Variants in CDH18 observed in about 807,000 individuals in gnomAD.
CDH18 encodes cadherin 18, also known as cadherin-18.
In CDH18, 31 loss-of-function variants were observed where a neutral mutation model predicts 67.9. That is an observed-to-expected ratio of 0.46 (90% CI 0.34 to 0.62). The LOEUF (loss-of-function observed/expected upper bound fraction) is 0.62. Ranked by LOEUF, CDH18 falls within the 20% of genes least tolerant of loss-of-function variation. CDH18 has a pLI of 0.01. For synonymous variants in CDH18, 362 were observed against 347.2 expected (o/e 1.04, Z -0.48); for missense variants, 890 against 975.5 (o/e 0.91, Z 1.17).
chr5:20,490,073 AAT>A (rs1188361048), intron 1 of CDH18, among the ~76,000 whole-genome samples: 3 of 150,436 alleles, frequency 2.0e-5, no homozygotes, highest in Non-Finnish European at 4.4e-5. Context: ...TTGCTATAAT[AAT>A]ATAATTGTTA....
chr5:20,074,722 C>T (rs572859330), intron 2 of CDH18, among the ~76,000 whole-genome samples: 1 of 94,470 alleles, frequency 1.1e-5, no homozygotes, highest in South Asian at 4.6e-4. Flanking sequence ...ACTTTTAATA[C>T]AATAGTTTGG....
intron 4 of CDH18, among the ~76,000 whole-genome samples, chr5:19,727,169 T>A (rs1766951580): frequency 6.6e-6 from 1 of 152,246 alleles, no homozygotes; most frequent in Non-Finnish European, 1.5e-5. Flanking sequence ...AATCAAGGTA[T>A]ATGTTATGGG....
chr5:20,315,515 T>A lies in CDH18; in HGVS notation c.-579-60010A>T, dbSNP rs139006207. On this transcript the variant is annotated intron_variant, in intron 1 of 14. Coordinates refer to the CDH18 transcript ENST00000507958. ...AAATCCTATAGTGTAAAAGCTCAAC[T>A]TTTAACAAGGGCCTACTGAGCTCTC... Among the ~76,000 whole-genome samples the A allele has an allele frequency of 1.3e-3, 198 of 152,260 alleles. 1 individual carries two copies. Among genetic ancestry groups the A allele is most frequent in the African/African-American group, 4.5e-3 (186 of 41,578 alleles).
intron 1 of CDH18, among the ~76,000 whole-genome samples, chr5:20,539,120 C>T (rs912459509): frequency 6.6e-6 from 1 of 151,864 alleles, no homozygotes; most frequent in Non-Finnish European, 1.5e-5. Context: ...AACTTCTGAC[C>T]TCAAGTAATC....
At chr5:19,549,035 C>G (rs940625799) in intron 8 of CDH18, among the ~76,000 whole-genome samples, 1 of 152,078 alleles carries the variant, frequency 6.6e-6, no homozygotes. Flanking sequence ...GCCTGAACTA[C>G]TGTGCCTGGC....
At chr5:20,205,750 G>C (rs1272289609) in intron 2 of CDH18, among the ~76,000 whole-genome samples, 1 of 151,842 alleles carries the variant, frequency 6.6e-6, no homozygotes, top group African/African-American at 2.4e-5. Flanking sequence ...TAAACAACAT[G>C]CTCCTGAATG....
In CDH18 at chr5:20,084,697, T is replaced by C. The variant is rs926792899; in HGVS notation, c.-517-92683A>G. Reference sequence around the variant, plus strand: ...GGCAGAGGTTCCCAAACCTCAATTCTTGACTTCTGTGTACTCACAGATTCA... The same window carrying C: ...GGCAGAGGTTCCCAAACCTCAATTCCTGACTTCTGTGTACTCACAGATTCA... On this transcript the variant is annotated intron_variant, in intron 2 of 14. Coordinates refer to the CDH18 transcript ENST00000507958. Among the ~76,000 whole-genome samples the C allele has an allele frequency of 3.3e-5, 5 of 152,206 alleles. No individual in the cohort carries two copies. The East Asian group carries it at 9.6e-4, about 29-fold the overall frequency.
intron 2 of CDH18, among the ~76,000 whole-genome samples, chr5:20,171,995 C>A (rs1213447447): frequency 6.7e-6 from 1 of 150,270 alleles, no homozygotes; most frequent in Admixed American, 6.7e-5. Flanking sequence ...TTCCTCATTG[C>A]TTATTTTGTA....
At chr5:20,101,136 AT>A (rs1746430237) in intron 2 of CDH18, among the ~76,000 whole-genome samples, 2 of 149,410 alleles carry the variant, frequency 1.3e-5, no homozygotes, top group Admixed American at 1.3e-4. Flanking sequence ...TTCAGTTTTT[AT>A]TTTTTGTAGA....
At chr5:20,415,932 A>G (rs1341812769) in intron 1 of CDH18, among the ~76,000 whole-genome samples, 1 of 152,166 alleles carries the variant, frequency 6.6e-6, no homozygotes, top group African/African-American at 2.4e-5. Flanking sequence ...GTTATATTAA[A>G]AATAGCCAAA....
At chr5:19,649,535 T>C (rs1755264872) in intron 5 of CDH18, among the ~76,000 whole-genome samples, 1 of 152,086 alleles carries the variant, frequency 6.6e-6, no homozygotes, top group Non-Finnish European at 1.5e-5. Flanking sequence ...ACTTATGTCT[T>C]TGAATTCTAG....
intron 3 of CDH18, among the ~76,000 whole-genome samples, chr5:19,784,035 G>T (rs759824842): frequency 6.6e-6 from 1 of 151,862 alleles, no homozygotes; most frequent in East Asian, 1.9e-4. Context: ...TTAAAATTTT[G>T]TACAAAAAAG....
At position 19,838,703 on chromosome 5, in the gene CDH18, A is replaced by C. The variant is rs1055235253; in HGVS notation, c.228+56T>G. The C allele has an allele frequency of 2.5e-6, 3 of 1,209,552 alleles. No homozygotes were observed. In the African/African-American group the frequency reaches 4.5e-5, roughly 18 times the overall value. 74.9% of individuals were successfully genotyped at this position (1,209,552 alleles called of 1,614,324 possible). ...TCAAATATTTCTCCAACATGAGCTC[A>C]TCTTACCCCACAATTTCTCAGGATA... is the stretch of plus-strand genomic sequence containing the variant. On this transcript the variant is annotated intron_variant, in intron 3 of 12. Transcript: ENST00000382275.
chr5:19,520,558 T>C, intron 10 of CDH18, 99 bp downstream of exon 10: 1 of 1,036,560 alleles, frequency 9.6e-7, no homozygotes, highest in South Asian at 2.0e-5. Context: ...AGTACAAAAT[T>C]ACACTGTGGG....
chr5:20,372,828 G>A (rs115252932), intron 1 of CDH18, among the ~76,000 whole-genome samples: 2,105 of 151,964 alleles, frequency 0.014, 40 homozygotes, highest in African/African-American at 0.048. Context: ...TCATCAGTTT[G>A]GATATTTTTT....
intron 2 of CDH18, among the ~76,000 whole-genome samples, chr5:19,894,121 T>A (rs2150091797): frequency 6.6e-6 from 1 of 152,220 alleles, no homozygotes; most frequent in South Asian, 2.1e-4. Context: ...TAATTTCTAA[T>A]AACCCTCAAA....
chr5:20,444,989 C>A (rs1464770220), intron 1 of CDH18, among the ~76,000 whole-genome samples: 1 of 152,048 alleles, frequency 6.6e-6, no homozygotes, highest in East Asian at 1.9e-4. Context: ...ACAGACAGAG[C>A]CACAAATTTT....
At chr5:19,957,096 A>C (rs1796327348) in intron 2 of CDH18, among the ~76,000 whole-genome samples, 1 of 151,916 alleles carries the variant, frequency 6.6e-6, no homozygotes, top group Non-Finnish European at 1.5e-5. Flanking sequence ...AGTGCTGCAA[A>C]GTCCTTTTTG....
At chr5:20,321,578 T>G (rs910335170) in intron 1 of CDH18, among the ~76,000 whole-genome samples, 2 of 152,168 alleles carry the variant, frequency 1.3e-5, no homozygotes, top group African/African-American at 2.4e-5. Flanking sequence ...TCTTTTCTAT[T>G]TCATTTCTGT....
Sources: gnomAD v4.1 joint callset for allele counts (sites outside exome capture counted in the v4.1 genomes callset) on GRCh38, gnomAD v4.1.1 for gene constraint, MANE v1.5 for transcripts, NCBI Gene and HGNC (gene_info 2026-07-23, HGNC 2026-07-21) for gene names.